The following GXYLT2 variants were observed in gnomAD, a reference collection of about 807,000 sequenced individuals.
GXYLT2 encodes glycosyltransferase 8 domain containing 4.
In GXYLT2, 53 loss-of-function variants were observed where a neutral mutation model predicts 45.8. The observed-to-expected ratio is 1.16, with a 90% CI of 0.93 to 1.46. GXYLT2 has a LOEUF of 1.46. Ranked by LOEUF, GXYLT2 falls within the 40% of genes most tolerant of loss-of-function variation. The pLI is 0.00. For synonymous variants in GXYLT2, 219 were observed against 214.2 expected, an observed-to-expected ratio of 1.02 and a Z score of -0.19; for missense variants, 551 against 544.4, an observed-to-expected ratio of 1.01 and a Z score of -0.12.
At chr3:72,968,824 G>A (rs1051059471) in intron 6 of GXYLT2, among the ~76,000 whole-genome samples, 1 of 152,226 alleles carries the variant, frequency 6.6e-6, no homozygotes, top group Non-Finnish European at 1.5e-5. Flanking sequence ...CACTTTGGGA[G>A]GGCAAGGTTG....
At chr3:72,910,852 G>A (rs374572587) in intron 2 of GXYLT2, among the ~76,000 whole-genome samples, 3 of 152,132 alleles carry the variant, frequency 2.0e-5, no homozygotes, top group East Asian at 1.9e-4. Flanking sequence ...TCTATGTGGC[G>A]GAACAAAGGG....
chr3:72,917,708 T>C (rs1709765995), intron 2 of GXYLT2, among the ~76,000 whole-genome samples: 1 of 149,884 alleles, frequency 6.7e-6, no homozygotes, highest in South Asian at 2.1e-4. Flanking sequence ...CAGTGAGCCA[T>C]GATCGTGCCA....
At chr3:72,896,904 T>G (rs1709302519) in intron 1 of GXYLT2, among the ~76,000 whole-genome samples, 1 of 151,814 alleles carries the variant, frequency 6.6e-6, no homozygotes, top group Non-Finnish European at 1.5e-5. Flanking sequence ...TGTAGTAAGG[T>G]AGAATGTTGA....
intron 6 of GXYLT2, among the ~76,000 whole-genome samples, chr3:72,968,881 C>A (rs1443251054): frequency 6.6e-6 from 1 of 152,080 alleles, no homozygotes. Flanking sequence ...CATGGTGAAA[C>A]CCCATCTCTA....
At chr3:72,914,553 G>GCA (rs1553706030) in intron 2 of GXYLT2, among the ~76,000 whole-genome samples, 1 of 151,504 alleles carries the variant, frequency 6.6e-6, no homozygotes, top group African/African-American at 2.4e-5. Flanking sequence ...GTGTGCGCGC[G>GCA]CGCGCTTGCG....
chr3:72,893,411 TC>T (rs1709220556), intron 1 of GXYLT2, among the ~76,000 whole-genome samples: 1 of 152,244 alleles, frequency 6.6e-6, no homozygotes. Context: ...AAATGTTTTC[TC>T]CTGAGAGGGG....
At chr3:72,946,276 G>GAAAAAAA (rs57450041) in intron 3 of GXYLT2, among the ~76,000 whole-genome samples, 1 of 59,446 alleles carries the variant, frequency 1.7e-5, no homozygotes, top group African/African-American at 5.0e-5. Flanking sequence ...GACCCTGTCT[G>GAAAAAAA]AAAAAAAAAA....
Position 72,928,952 on chromosome 3 carries a change from T to C in GXYLT2, c.600+6617T>C, listed in dbSNP as rs926391303. The C allele has an allele frequency of 1.7e-5, 13 of 783,876 alleles. No individual in the cohort carries two copies. The South Asian group carries it at 1.7e-4, about 10-fold the overall frequency. 48.6% of individuals were successfully genotyped at this position (783,876 alleles called of 1,614,324 possible). On this transcript the variant is annotated intron_variant, in intron 3 of 6. Coordinates refer to ENST00000389617, the MANE Select transcript of GXYLT2 (RefSeq NM_001080393.2). Reference sequence around the variant, plus strand: ...CCGGCCGCCCATAGCCAGTCCTCCGTCACCACTTCACCGCGCCCTCGGTAC... The same window carrying C: ...CCGGCCGCCCATAGCCAGTCCTCCGCCACCACTTCACCGCGCCCTCGGTAC...
chr3:72,930,005 A>G (rs963585535), intron 3 of GXYLT2, among the ~76,000 whole-genome samples: 1 of 151,940 alleles, frequency 6.6e-6, no homozygotes, highest in African/African-American at 2.4e-5. Flanking sequence ...TGTCTCTACT[A>G]AAAATACAAA....
In GXYLT2 at chr3:72,950,580, T is replaced by C. The variant is rs79072096; in HGVS notation, c.601-4518T>C. Among the ~76,000 whole-genome samples the C allele has an allele frequency of 3.4e-3, 523 of 151,890 alleles. 5 individuals carry two copies. Among genetic ancestry groups the C allele is most frequent in the African/African-American group, 0.012 (480 of 41,370 alleles). ...TAGGAGGTCAAGGCTCAGTGAGCTATGATTGCACCACTGCACTCCAACCTG... is the reference window on the plus strand; with the variant it reads ...TAGGAGGTCAAGGCTCAGTGAGCTACGATTGCACCACTGCACTCCAACCTG... On this transcript the variant is annotated intron_variant, in intron 3 of 6. Coordinates refer to ENST00000389617, the MANE Select transcript of GXYLT2 (RefSeq NM_001080393.2).
At chr3:72,946,722 C>A (rs937936524) in intron 3 of GXYLT2, among the ~76,000 whole-genome samples, 3 of 152,158 alleles carry the variant, frequency 2.0e-5, no homozygotes, top group African/African-American at 4.8e-5. Flanking sequence ...AATACCATCA[C>A]CTTGTGGGTT....
intron 5 of GXYLT2, 127 bp downstream of exon 5, chr3:72,957,479 C>T (rs905144980): frequency 1.0e-5 from 10 of 963,604 alleles, no homozygotes; most frequent in Middle Eastern, 2.3e-4. Context: ...TGTTCCCCAG[C>T]GAAGTTTGCC....
chr3:72,890,837 C>T (rs773827929), intron 1 of GXYLT2, among the ~76,000 whole-genome samples: 1 of 152,046 alleles, frequency 6.6e-6, no homozygotes, highest in Non-Finnish European at 1.5e-5. Context: ...CTTAGATTAT[C>T]GTGGAAATTA....
chr3:72,902,970 CCATTG>C (rs1709436100), intron 1 of GXYLT2, among the ~76,000 whole-genome samples: 1 of 152,180 alleles, frequency 6.6e-6, no homozygotes, highest in Admixed American at 6.5e-5. Flanking sequence ...TGGGATCACA[CCATTG>C]CACTCCAGCC....
At chr3:72,911,189 G>A (rs1436905231) in intron 2 of GXYLT2, among the ~76,000 whole-genome samples, 1 of 152,146 alleles carries the variant, frequency 6.6e-6, no homozygotes, top group African/African-American at 2.4e-5. Context: ...TACTCAGGAG[G>A]TTGAGGCAGG....
intron 3 of GXYLT2, among the ~76,000 whole-genome samples, chr3:72,933,652 T>C (rs115698530): frequency 0.014 from 2,157 of 152,248 alleles, 55 homozygotes; most frequent in African/African-American, 0.049. Flanking sequence ...CTCGTACCTG[T>C]AATCCCAACA....
At chr3:72,900,556 A>G (rs1709384303) in intron 1 of GXYLT2, among the ~76,000 whole-genome samples, 1 of 151,990 alleles carries the variant, frequency 6.6e-6, no homozygotes, top group East Asian at 1.9e-4. Flanking sequence ...CTGGGATTAC[A>G]AGCACCCGCA....
intron 2 of GXYLT2, among the ~76,000 whole-genome samples, chr3:72,912,009 A>ATTTTTTTT (rs1335193184): frequency 2.5e-5 from 3 of 121,970 alleles, no homozygotes; most frequent in African/African-American, 9.1e-5. Flanking sequence ...ATATATATAT[A>ATTTTTTTT]TATATTTTTT....
chr3:72,905,240 C>A (rs1461329299), intron 1 of GXYLT2, among the ~76,000 whole-genome samples: 1 of 152,092 alleles, frequency 6.6e-6, no homozygotes. Context: ...GCCTCAGCCT[C>A]CCAAGTAGCT....
Sources: allele counts gnomAD v4.1 joint callset (sites outside exome capture counted in the v4.1 genomes callset), GRCh38; gene constraint gnomAD v4.1.1; transcripts MANE v1.5; gene names NCBI Gene and HGNC (gene_info 2026-07-23, HGNC 2026-07-21).